The following SDK1 variants were observed in gnomAD, a reference collection of about 807,000 sequenced individuals.
The protein encoded by SDK1 is sidekick cell adhesion molecule 1.
A neutral mutation model predicts 245.5 loss-of-function variants in SDK1; 157 were observed. That is an observed-to-expected ratio of 0.64 (90% CI 0.56 to 0.73). SDK1 has a LOEUF of 0.73. Among genes scored for constraint, SDK1 ranks in the 30% least tolerant of loss-of-function variants. SDK1 has a pLI of 0.00. For synonymous variants in SDK1, 1,647 were observed against 1,278.5 expected, an observed-to-expected ratio of 1.29 and a Z score of -6.15; for missense variants, 3,583 against 3,002.3, an observed-to-expected ratio of 1.19 and a Z score of -4.52.
chr7:3,793,204 TAA>T (rs1360117057), intron 4 of SDK1, among the ~76,000 whole-genome samples: 1 of 152,192 alleles, frequency 6.6e-6, no homozygotes, highest in Non-Finnish European at 1.5e-5. Flanking sequence ...TCTGTTTCCG[TAA>T]AAGACATTAC....
chr7:3,446,146 A>T (rs1489457251), intron 1 of SDK1, among the ~76,000 whole-genome samples: 1 of 152,048 alleles, frequency 6.6e-6, no homozygotes, highest in African/African-American at 2.4e-5. Context: ...GTTAGGTAAG[A>T]TCTCATTTCT....
At chr7:3,611,864 T>C (rs531450193) in intron 1 of SDK1, among the ~76,000 whole-genome samples, 3 of 152,214 alleles carry the variant, frequency 2.0e-5, no homozygotes, top group South Asian at 2.1e-4. Flanking sequence ...GGGAACACTT[T>C]TACACTGGTG....
At chr7:3,860,939 C>T (rs189238881) in intron 5 of SDK1, among the ~76,000 whole-genome samples, 1 of 152,090 alleles carries the variant, frequency 6.6e-6, no homozygotes, top group East Asian at 1.9e-4. Context: ...CAACAAAGGC[C>T]GAATGAAGCT....
At chr7:3,562,892 G>A (rs1360038533) in intron 1 of SDK1, among the ~76,000 whole-genome samples, 1 of 152,240 alleles carries the variant, frequency 6.6e-6, no homozygotes, top group East Asian at 1.9e-4. Flanking sequence ...ATGAAGGGAA[G>A]CAAATACACG....
chr7:3,978,070 T>C (rs1192979831), intron 13 of SDK1, among the ~76,000 whole-genome samples: 1 of 151,980 alleles, frequency 6.6e-6, no homozygotes, highest in Non-Finnish European at 1.5e-5. Context: ...CTCCTTCCTT[T>C]CGGGTCTCAG....
At chr7:3,655,477 A>ATATATATATATATATATATATATATATG (rs1463477886) in intron 4 of SDK1, among the ~76,000 whole-genome samples, 2 of 88,200 alleles carry the variant, frequency 2.3e-5, no homozygotes, top group African/African-American at 1.0e-4. Context: ...ATATATATAT[A>ATATATATATATATATATATATATATATG]TATATATATA....
At chr7:3,639,221 A>G in intron 3 of SDK1, 111 bp downstream of exon 3, 1 of 565,810 alleles carries the variant, frequency 1.8e-6, no homozygotes, top group South Asian at 3.1e-5. Context: ...CTTTGGTTCT[A>G]TTTTGAGTAG....
chr7:3,602,243 G>A (rs1434392844), intron 1 of SDK1, among the ~76,000 whole-genome samples: 1 of 151,420 alleles, frequency 6.6e-6, no homozygotes, highest in African/African-American at 2.4e-5. Flanking sequence ...GATCCCTGAG[G>A]AATCGCCACA....
At chr7:3,381,082 T>TG (rs1367642434) in intron 1 of SDK1, among the ~76,000 whole-genome samples, 1 of 152,170 alleles carries the variant, frequency 6.6e-6, no homozygotes, top group African/African-American at 2.4e-5. Context: ...AGGTGGTAAT[T>TG]GAAGTCAAGA....
At chr7:3,587,660 A>G (rs1780734624) in intron 1 of SDK1, among the ~76,000 whole-genome samples, 1 of 152,194 alleles carries the variant, frequency 6.6e-6, no homozygotes, top group African/African-American at 2.4e-5. Context: ...CAGTTCACCA[A>G]TTCAGATGCT....
At chr7:3,552,881 T>A (rs1779460380) in intron 1 of SDK1, among the ~76,000 whole-genome samples, 1 of 152,238 alleles carries the variant, frequency 6.6e-6, no homozygotes, top group Admixed American at 6.5e-5. Context: ...GTTGCATAAT[T>A]ATGCTTTCCA....
At chr7:3,923,756 A>G (rs1162369368) in intron 5 of SDK1, among the ~76,000 whole-genome samples, 1 of 152,238 alleles carries the variant, frequency 6.6e-6, no homozygotes, top group Non-Finnish European at 1.5e-5. Flanking sequence ...TTCACGAGGC[A>G]TTTGCAGATT....
intron 23 of SDK1, 51 bp downstream of exon 23, chr7:4,110,823 G>A (rs1259672829): frequency 1.5e-6 from 2 of 1,305,480 alleles, no homozygotes; most frequent in South Asian, 1.2e-5. Context: ...GGCAGCCCAG[G>A]CAGGTGCCTT....
intron 4 of SDK1, among the ~76,000 whole-genome samples, chr7:3,787,470 A>G (rs751259307): frequency 1.7e-4 from 26 of 152,198 alleles, no homozygotes; most frequent in Admixed American, 3.9e-4. Flanking sequence ...CTAGAGATGA[A>G]CCTGTGTAAA....
At chr7:3,993,045 T>A (rs558922035) in intron 14 of SDK1, among the ~76,000 whole-genome samples, 1 of 152,362 alleles carries the variant, frequency 6.6e-6, no homozygotes, top group Admixed American at 6.5e-5. Flanking sequence ...CCTCATAAAT[T>A]AATGACAACT....
intron 1 of SDK1, among the ~76,000 whole-genome samples, chr7:3,306,409 G>A (rs1358443355): frequency 1.3e-5 from 2 of 152,090 alleles, no homozygotes; most frequent in African/African-American, 4.8e-5. Context: ...ATGGACTACT[G>A]GGAGTGCACC....
chr7:3,432,647 T>C (rs574293860), intron 1 of SDK1, among the ~76,000 whole-genome samples: 1 of 152,292 alleles, frequency 6.6e-6, no homozygotes, highest in South Asian at 2.1e-4. Context: ...ACTTGAATTT[T>C]AATAGGAACC....
intron 4 of SDK1, among the ~76,000 whole-genome samples, chr7:3,758,450 T>C (rs1780000804): frequency 6.6e-6 from 1 of 152,244 alleles, no homozygotes; most frequent in East Asian, 1.9e-4. Flanking sequence ...TATAATCTTC[T>C]ATTTAGGTTG....
chr7:3,674,168 A>G (rs1484978027), intron 4 of SDK1, among the ~76,000 whole-genome samples: 1 of 152,208 alleles, frequency 6.6e-6, no homozygotes, highest in Non-Finnish European at 1.5e-5. Flanking sequence ...GAGCTATATC[A>G]CTAAAAGATA....
Sources: allele counts gnomAD v4.1 joint callset (sites outside exome capture counted in the v4.1 genomes callset), GRCh38; gene constraint gnomAD v4.1.1; transcripts MANE v1.5; gene names NCBI Gene and HGNC (gene_info 2026-07-23, HGNC 2026-07-21).